Variants in TTC3 observed in about 807,000 individuals in gnomAD.
TTC3 encodes the protein E3 ubiquitin-protein ligase TTC3.
A neutral mutation model predicts 249.6 loss-of-function variants in TTC3; 180 were observed. The ratio of observed to expected loss-of-function variants is 0.72; its 90% CI spans 0.64 to 0.82. The LOEUF is 0.82. Among genes scored for constraint, TTC3 ranks in the 40% least tolerant of loss-of-function variants. TTC3 has a pLI of 0.00. For missense variants in TTC3, 2,061 were observed against 2,398.4 expected, an observed-to-expected ratio of 0.86 and a Z score of 2.94; for synonymous variants, 717 against 805.0, an observed-to-expected ratio of 0.89 and a Z score of 1.85.
Position 37,189,044 on chromosome 21 carries a change from A to G in TTC3, c.5024+449A>G, listed in dbSNP as rs956089924. 3.3e-5 allele frequency among the ~76,000 whole-genome samples: 5 copies of G among 151,930 alleles called. No individual in the cohort carries two copies. The East Asian group carries it at 9.7e-4, about 29-fold the overall frequency. On this transcript the variant is annotated intron_variant, in intron 39 of 45. Coordinates refer to ENST00000355666, the Ensembl canonical transcript of TTC3. ...CCCTGCAGTGAGCATCCTTATAGTTAACTTTTTATGCACATTATTAGTCAT... is the reference window on the plus strand; with the variant it reads ...CCCTGCAGTGAGCATCCTTATAGTTGACTTTTTATGCACATTATTAGTCAT...
chr21:37,195,214 G>T (rs2084740462), intron 41 of TTC3, among the ~76,000 whole-genome samples: 1 of 152,232 alleles, frequency 6.6e-6, no homozygotes, highest in African/African-American at 2.4e-5. Flanking sequence ...ATGGGGAGGA[G>T]TGTCAGCACT....
intron 41 of TTC3, among the ~76,000 whole-genome samples, chr21:37,193,431 A>G (rs548895657): frequency 6.6e-5 from 10 of 152,014 alleles, no homozygotes; most frequent in Non-Finnish European, 1.5e-4. Flanking sequence ...TTCTGTTGAG[A>G]TCCAGTTTTT....
chr21:37,088,946 T>C lies in TTC3; in HGVS notation c.426+60T>C, dbSNP rs1212620468. ...GGTTTAAATAATATAAGCATTTATA[T>C]GGTGTTAGGCTCAAATGACTAATTT... On this transcript the variant is annotated intron_variant, in intron 5 of 45. Coordinates refer to ENST00000355666, the Ensembl canonical transcript of TTC3. 3.4e-5 allele frequency: 50 copies of C among 1,484,962 alleles called. No homozygotes were observed. The East Asian group carries it at 1.1e-3, about 33-fold the overall frequency. 92.0% of individuals were successfully genotyped at this position (1,484,962 alleles called of 1,614,324 possible). A position where few individuals can be genotyped will look rare whatever the true frequency, so the allele number is the denominator to read the frequency against.
intron 11 of TTC3, among the ~76,000 whole-genome samples, chr21:37,118,714 C>T (rs1309326718): frequency 6.6e-6 from 1 of 152,118 alleles, no homozygotes; most frequent in Admixed American, 6.5e-5. Context: ...AACTTTGCCT[C>T]CCTGTTTGTC....
chr21:37,125,266 G>A (rs1196460092), intron 14 of TTC3, among the ~76,000 whole-genome samples: 2 of 152,146 alleles, frequency 1.3e-5, no homozygotes, highest in African/African-American at 2.4e-5. Flanking sequence ...TAGTGCTTCC[G>A]AAATGAACTC....
At chr21:37,159,739 A>C (rs1416364294) in exon 29 of TTC3, 1 of 1,611,526 alleles carries the variant, frequency 6.2e-7, no homozygotes, top group African/African-American at 1.4e-5. Flanking sequence ...ATAGTGGTGA[A>C]GCACCGGTAA....
chr21:37,195,817 CT>C lies in TTC3; in HGVS notation c.5362del (p.Ser1788LeufsTer17), dbSNP rs764619643. 142 of 1,614,120 alleles carry C rather than the reference CT, an allele frequency of 8.8e-5. No individual in the cohort carries two copies. Among genetic ancestry groups the C allele is most frequent in the Non-Finnish European group, 1.1e-4 (135 of 1,180,042 alleles). ...GCTGGTGATTCCCCAGGGGAGGCTC[CT>C]TCTGCGCTGTTGCCAGGGCCACCCC... On this transcript the variant is annotated frameshift_variant, in exon 42 of 46. Transcript: ENST00000355666. LOFTEE classifies it high-confidence loss of function.
At chr21:37,158,232 T>G (rs1024398174) in intron 28 of TTC3, 7 of 984,508 alleles carry the variant, frequency 7.1e-6, no homozygotes, top group Non-Finnish European at 8.4e-6. Flanking sequence ...GGGACTGAGC[T>G]TACAAAACCT....
chr21:37,136,674 C>T (rs1031780680), intron 18 of TTC3, among the ~76,000 whole-genome samples: 1 of 152,146 alleles, frequency 6.6e-6, no homozygotes, highest in Non-Finnish European at 1.5e-5. Flanking sequence ...GCAGCAAGTG[C>T]TGATGGAGAA....
chr21:37,201,635 C>T (rs368655523), exon 46 of TTC3: 3 of 1,571,086 alleles, frequency 1.9e-6, no homozygotes, highest in Admixed American at 2.0e-5. Context: ...CAATTTTCTA[C>T]CACTGGTGTA....
chr21:37,153,012 G>A (rs1265732647), exon 27 of TTC3: 4 of 1,614,000 alleles, frequency 2.5e-6, no homozygotes, highest in East Asian at 2.2e-5. Context: ...AGTGTATAAA[G>A]CAGTATGCTG....
chr21:37,141,302 T>A (rs1158771342), intron 20 of TTC3, among the ~76,000 whole-genome samples: 1 of 152,208 alleles, frequency 6.6e-6, no homozygotes, highest in East Asian at 1.9e-4. Flanking sequence ...GGTAGGTATG[T>A]TAGATTATAA....
rs147558861 is a variant in TTC3 at position 37,115,939 on chromosome 21, C to T, written c.901-5878C>T. 1.5e-3 allele frequency among the ~76,000 whole-genome samples: 224 copies of T among 152,324 alleles called. 2 individuals are homozygous for T. The highest frequency in any genetic ancestry group is 4.9e-3 in the African/African-American group (205 of 41,578). On this transcript the variant is annotated intron_variant, in intron 11 of 45. Coordinates refer to ENST00000355666, the Ensembl canonical transcript of TTC3. The stretch of plus-strand genomic sequence containing the variant: ...ACTAAAATGCCAAACACCTCACTTC[C>T]TACGCATTTCTTATCTTCTTTCCTT...
At chr21:37,158,135 C>T (rs1347280093) in intron 28 of TTC3, 2 of 985,422 alleles carry the variant, frequency 2.0e-6, no homozygotes, top group Non-Finnish European at 2.4e-6. Flanking sequence ...TTTCAGGATA[C>T]TGCTTCATGA....
intron 20 of TTC3, among the ~76,000 whole-genome samples, chr21:37,144,257 T>C (rs1406605470): frequency 6.6e-6 from 1 of 151,842 alleles, no homozygotes; most frequent in East Asian, 1.9e-4. Context: ...AAAATATATA[T>C]ATATAAACAA....
At chr21:37,184,757 T>C (rs2148163456) in intron 36 of TTC3, among the ~76,000 whole-genome samples, 1 of 151,886 alleles carries the variant, frequency 6.6e-6, no homozygotes, top group Non-Finnish European at 1.5e-5. Context: ...GCATGAGCCA[T>C]TGCACCTGGC....
chr21:37,167,817 C>T (rs1361712035), intron 34 of TTC3, among the ~76,000 whole-genome samples, 197 bp downstream of exon 34: 1 of 151,572 alleles, frequency 6.6e-6, no homozygotes, highest in East Asian at 1.9e-4. Context: ...TAATTTTTTT[C>T]CAGCATACTT....
chr21:37,167,461 AT>A, intron 33 of TTC3, 93 bp from the exon 34 acceptor site: 1 of 884,170 alleles, frequency 1.1e-6, no homozygotes, highest in South Asian at 1.6e-5. Flanking sequence ...ACTTGAAAAA[AT>A]TGTGGGTGTG....
chr21:37,103,938 C>T (rs1242849258), intron 10 of TTC3, among the ~76,000 whole-genome samples: 1 of 151,906 alleles, frequency 6.6e-6, no homozygotes, highest in Non-Finnish European at 1.5e-5. Flanking sequence ...GGAGAGAGAG[C>T]ATGATTAGCA....
Sources: allele counts gnomAD v4.1 joint callset (sites outside exome capture counted in the v4.1 genomes callset), GRCh38; gene constraint gnomAD v4.1.1; transcripts MANE v1.5; gene names NCBI Gene and HGNC (gene_info 2026-07-23, HGNC 2026-07-21).